FAM83A: variants seen among roughly 807,000 people sequenced by gnomAD.
FAM83A encodes the protein protein FAM83A.
A neutral mutation model predicts 24.4 loss-of-function variants in FAM83A; 21 were observed. The observed-to-expected ratio is 0.86, with a 90% CI of 0.61 to 1.24. The LOEUF (loss-of-function observed/expected upper bound fraction) is 1.24. Ranked by LOEUF, FAM83A falls within the 50% of genes most tolerant of loss-of-function variation. The pLI, the probability that FAM83A is intolerant of heterozygous loss-of-function variation, is 0.00. For missense variants in FAM83A, 617 were observed against 579.8 expected (o/e 1.06, Z -0.66); for synonymous variants, 270 against 252.4 (o/e 1.07, Z -0.66).
In FAM83A at chr8:123,206,138, CAAAAA is replaced by C. The variant is rs57788150; in HGVS notation, c.774-1006_774-1002del. On this transcript the variant is annotated intron_variant, in intron 3 of 3. Transcript: ENST00000690554. ...AGCCTAGGTGACAGAGTAAGACTCT[CAAAAA>C]AAAAAAAAAAAATCTGGGAATCATA... Among the ~76,000 whole-genome samples the C allele has an allele frequency of 5.5e-3, 613 of 110,996 alleles. 3 individuals are homozygous for C. The highest frequency in any genetic ancestry group is 0.018 in the African/African-American group (579 of 31,674). 72.8% of individuals were successfully genotyped at this position (110,996 alleles called of 152,430 possible). A position where few individuals can be genotyped will look rare whatever the true frequency, so the allele number is the denominator to read the frequency against.
chr8:123,182,455 C>G (rs1423461018), upstream of FAM83A: 4 of 408,034 alleles, frequency 9.8e-6, no homozygotes, highest in African/African-American at 6.1e-5. Flanking sequence ...GCTGGTGGTG[C>G]CAGGGAGGCT....
At chr8:123,207,309 C>T (rs970806160) in exon 4 of FAM83A, 1 of 1,611,612 alleles carries the variant, frequency 6.2e-7, no homozygotes, top group African/African-American at 1.3e-5. Context: ...GCCCCCGTCC[C>T]GCCCGGAGCA....
chr8:123,191,353 G>A (rs558978503), intron 1 of FAM83A, among the ~76,000 whole-genome samples: 2 of 152,310 alleles, frequency 1.3e-5, no homozygotes, highest in East Asian at 3.9e-4. Context: ...GATTTTGTTT[G>A]AGGATAGGAT....
chr8:123,195,896 G>C (rs1366618278), intron 3 of FAM83A, among the ~76,000 whole-genome samples: 1 of 152,242 alleles, frequency 6.6e-6, no homozygotes, highest in Non-Finnish European at 1.5e-5. Flanking sequence ...TTTCAAATAT[G>C]AATCTGGAAC....
chr8:123,202,603 T>A (rs1273076243), intron 3 of FAM83A: 4 of 152,702 alleles, frequency 2.6e-5, no homozygotes, highest in Non-Finnish European at 5.9e-5. Context: ...TGATACATTA[T>A]ACATGGCCAC....
intron 1 of FAM83A, among the ~76,000 whole-genome samples, chr8:123,186,743 T>A (rs950772995): frequency 3.3e-5 from 5 of 152,114 alleles, no homozygotes; most frequent in Non-Finnish European, 5.9e-5. Context: ...ATCAGGAGAA[T>A]CGCTTGAACC....
At chr8:123,204,995 C>G (rs886875785) in intron 3 of FAM83A, among the ~76,000 whole-genome samples, 1 of 151,860 alleles carries the variant, frequency 6.6e-6, no homozygotes, top group Non-Finnish European at 1.5e-5. Context: ...CACCTGTAAT[C>G]CCAGCTACTC....
rs114856902 is a variant in FAM83A at position 123,196,898 on chromosome 8, C to T, written c.773+2750C>T. Among the ~76,000 whole-genome samples the T allele has an allele frequency of 4.6e-3, 698 of 152,322 alleles. 5 individuals are homozygous for T. Among genetic ancestry groups the T allele is most frequent in the African/African-American group, 0.016 (659 of 41,556 alleles). On this transcript the variant is annotated intron_variant, in intron 3 of 3. Coordinates refer to ENST00000690554, the Ensembl canonical transcript of FAM83A. The stretch of plus-strand genomic sequence containing the variant: ...CTCTGGCTTTCATGGGTCCACAGGC[C>T]TGTTGTTTAGCTACTTTTCCTGGTT...
In FAM83A at chr8:123,183,158, A is replaced by T. The variant is rs551815592; in HGVS notation, c.302A>T (p.Gln101Leu). ...AAGGGACTGGACTCCAGCTCCCTAC[A>T]GTCCGGCACCTACTTCCCTGTGGCC... The change falls in exon 1 of 4, where the codon CAG becomes CTG. Residue 101 changes from glutamine to leucine, a missense_variant. Physicochemically the swap from Gln to Leu is moderately radical, Grantham distance 113 (BLOSUM62 -2). Transcript: ENST00000690554. 2.5e-6 allele frequency: 4 copies of T among 1,613,784 alleles called. No homozygotes were observed. In the African/African-American group the frequency reaches 4.0e-5, roughly 16 times the overall value.
upstream of FAM83A, among the ~76,000 whole-genome samples, chr8:123,181,026 C>G (rs138003047): frequency 5.5e-3 from 838 of 152,272 alleles, 8 homozygotes; most frequent in African/African-American, 0.019. Context: ...TCATTGCAGC[C>G]TCTGCCTCCT....
chr8:123,200,969 A>T (rs1339415512), intron 3 of FAM83A, among the ~76,000 whole-genome samples: 1 of 127,352 alleles, frequency 7.9e-6, no homozygotes, highest in Non-Finnish European at 1.7e-5. Context: ...AAAAAAAAAA[A>T]TATATATATA....
intron 2 of FAM83A, 142 bp from the exon 3 acceptor site, chr8:123,193,882 C>A: frequency 9.8e-7 from 1 of 1,016,570 alleles, no homozygotes; most frequent in Non-Finnish European, 1.4e-6. Flanking sequence ...CTCCCAAAGG[C>A]CCCACCTTCT....
At chr8:123,207,224 C>A (rs771632137) in exon 4 of FAM83A, 1 of 1,612,538 alleles carries the variant, frequency 6.2e-7, no homozygotes, top group Non-Finnish European at 8.5e-7. Context: ...GGCGGTGGAG[C>A]TGTTTGACGA....
chr8:123,187,415 G>C (rs59628816), intron 1 of FAM83A, among the ~76,000 whole-genome samples: 1 of 152,130 alleles, frequency 6.6e-6, no homozygotes, highest in Non-Finnish European at 1.5e-5. Context: ...GCAGATTCAC[G>C]CAGAAGCGGC....
At chr8:123,186,971 C>T (rs981023953) in intron 1 of FAM83A, among the ~76,000 whole-genome samples, 5 of 152,268 alleles carry the variant, frequency 3.3e-5, no homozygotes, top group South Asian at 2.1e-4. Context: ...AAGAATTAGA[C>T]GATGGCAGTC....
chr8:123,184,865 A>G (rs1277141485), intron 1 of FAM83A, among the ~76,000 whole-genome samples: 6 of 152,186 alleles, frequency 3.9e-5, no homozygotes, highest in African/African-American at 1.4e-4. Flanking sequence ...GAACATGCTG[A>G]TGTTTGGGTT....
At chr8:123,193,994 G>A in intron 2 of FAM83A, 30 bp from the exon 3 acceptor site, 1 of 1,613,578 alleles carries the variant, frequency 6.2e-7, no homozygotes. Flanking sequence ...ACAGAATTAG[G>A]AAGTGACACC....
upstream of FAM83A, chr8:123,179,536 T>G (rs58116120): frequency 0.12 from 17,579 of 152,046 alleles, 1,243 homozygotes; most frequent in African/African-American, 0.2. Context: ...CTATAAAGAG[T>G]GGCAACAGAA....
intron 3 of FAM83A, among the ~76,000 whole-genome samples, chr8:123,205,861 C>T (rs1242964810): frequency 6.6e-6 from 1 of 151,914 alleles, no homozygotes; most frequent in Non-Finnish European, 1.5e-5. Flanking sequence ...ATCTGGGAAA[C>T]AGGCCGGGCG....
Sources: gnomAD v4.1 joint callset for allele counts (sites outside exome capture counted in the v4.1 genomes callset) on GRCh38, gnomAD v4.1.1 for gene constraint, MANE v1.5 for transcripts, NCBI Gene and HGNC (gene_info 2026-07-23, HGNC 2026-07-21) for gene names.